The following FSTL4 variants were observed in gnomAD, a reference collection of about 807,000 sequenced individuals.
FSTL4 encodes follistatin-related protein 4.
In FSTL4, 28 loss-of-function variants were observed where a neutral mutation model predicts 78.2. The observed-to-expected ratio is 0.36, with a 90% CI of 0.27 to 0.49. FSTL4 has a LOEUF of 0.49. Ranked by LOEUF, FSTL4 falls within the 20% of genes least tolerant of loss-of-function variation. The pLI is 0.98. For synonymous variants in FSTL4, 422 were observed against 440.5 expected (o/e 0.96, Z 0.53); for missense variants, 922 against 1,084.9 (o/e 0.85, Z 2.11).
At chr5:133,249,840 G>T (rs551964210) in intron 6 of FSTL4, among the ~76,000 whole-genome samples, 14 of 152,236 alleles carry the variant, frequency 9.2e-5, no homozygotes, top group Non-Finnish European at 1.3e-4. Flanking sequence ...GACAATCTGG[G>T]CCATAGATTT....
intron 13 of FSTL4, among the ~76,000 whole-genome samples, chr5:133,210,546 G>A (rs1016541455): frequency 6.6e-6 from 1 of 151,884 alleles, no homozygotes. Context: ...AGGCTGGAGT[G>A]CAATGATGTG....
At chr5:133,507,677 C>T (rs1438212110) in intron 3 of FSTL4, among the ~76,000 whole-genome samples, 1 of 151,858 alleles carries the variant, frequency 6.6e-6, no homozygotes, top group Non-Finnish European at 1.5e-5. Flanking sequence ...CGCCCGACAC[C>T]ATGCCCGGCT....
chr5:133,381,226 G>C (rs945059831), intron 4 of FSTL4, among the ~76,000 whole-genome samples: 1 of 152,152 alleles, frequency 6.6e-6, no homozygotes, highest in Non-Finnish European at 1.5e-5. Context: ...GCACAGCTTG[G>C]AATATCTCCA....
rs1580812298 is a variant in FSTL4, at chr5:133,597,083, A to C, written c.126+6775T>G. On this transcript the variant is annotated intron_variant, in intron 2 of 15. Coordinates refer to ENST00000265342, the MANE Select transcript of FSTL4 (RefSeq NM_015082.2). ...GTTCTCGGTGTCGCCTGCTCAGAGCACTGGGCCCATATCCTCCCACATCCT... is the reference window on the plus strand; with the variant it reads ...GTTCTCGGTGTCGCCTGCTCAGAGCCCTGGGCCCATATCCTCCCACATCCT... Among the ~76,000 whole-genome samples, 4 of 143,486 alleles carry C rather than the reference A, an allele frequency of 2.8e-5. No individual in the cohort carries two copies. In the East Asian group the frequency reaches 8.4e-4, roughly 30 times the overall value. 94.1% of individuals were successfully genotyped at this position (143,486 alleles called of 152,430 possible).
intron 3 of FSTL4, among the ~76,000 whole-genome samples, chr5:133,542,424 T>C (rs1759495712): frequency 1.3e-5 from 2 of 152,208 alleles, no homozygotes; most frequent in Admixed American, 1.3e-4. Context: ...CAAACTGGCA[T>C]TTAAAAAAAC....
intron 6 of FSTL4, among the ~76,000 whole-genome samples, chr5:133,287,835 A>G (rs546226413): frequency 3.1e-4 from 47 of 152,282 alleles, no homozygotes; most frequent in Non-Finnish European, 5.4e-4. Flanking sequence ...ATCCTTCTGG[A>G]TGCCATTCAA....
At chr5:133,606,690 C>T (rs1760985298) in intron 1 of FSTL4, among the ~76,000 whole-genome samples, 1 of 152,198 alleles carries the variant, frequency 6.6e-6, no homozygotes, top group Non-Finnish European at 1.5e-5. Flanking sequence ...TTCCATGTCT[C>T]CTAGCTCACA....
the FSTL4 span, among the ~76,000 whole-genome samples, chr5:133,724,804 T>C: frequency 6.6e-6 from 1 of 152,330 alleles, no homozygotes; most frequent in East Asian, 1.9e-4. Flanking sequence ...CCGAAAGTCA[T>C]GACGATTTTT....
At chr5:133,841,229 G>A in the FSTL4 span, among the ~76,000 whole-genome samples, 6 of 152,126 alleles carry the variant, frequency 3.9e-5, no homozygotes, top group East Asian at 3.8e-4. Context: ...AACTGGCCTG[G>A]GAAAATCAGA....
In FSTL4 at chr5:133,316,589, C is replaced by G. The variant is rs17683306; in HGVS notation, c.473G>C (p.Arg158Pro). The change falls in exon 5 of 16, where the codon CGT becomes CCT. Residue 158 changes from arginine (R) to proline (P), a missense_variant. Coordinates refer to ENST00000265342, the MANE Select transcript of FSTL4 (RefSeq NM_015082.2). The stretch of plus-strand genomic sequence containing the variant: ...GTCTCCTTCTTGGAGTGGCTGCAGA[C>G]GGGTCTGGAGTGCCAGAAGGACATT... The part of the protein sequence containing the change: ...LKNVLLALQT[R>P]LQPLQEGDSR... 8.1e-6 allele frequency: 13 copies of G among 1,613,932 alleles called. No homozygotes were observed. The East Asian group carries it at 2.7e-4, about 33-fold the overall frequency.
Position 133,202,225 on chromosome 5 carries a change from A to C in FSTL4, c.1717-183T>G, listed in dbSNP as rs114311968. 5.3e-3 allele frequency among the ~76,000 whole-genome samples: 807 copies of C among 152,300 alleles called. 7 individuals are homozygous for C. The highest frequency in any genetic ancestry group is 0.018 in the African/African-American group (765 of 41,560). On this transcript the variant is annotated intron_variant, in intron 14 of 15. Coordinates refer to ENST00000265342, the MANE Select transcript of FSTL4 (RefSeq NM_015082.2). ...GGAGCAGTTCAGGCACATCCTAGGC[A>C]GGGACCCATTCTTCCTGAAAGAGGA...
upstream of FSTL4, among the ~76,000 whole-genome samples, chr5:133,613,355 T>C (rs755730581): frequency 2.0e-5 from 3 of 152,232 alleles, no homozygotes; most frequent in Non-Finnish European, 4.4e-5. Flanking sequence ...GGAGACTTTC[T>C]GAGGGCCTGC....
At chr5:133,672,329 G>T in the FSTL4 span, among the ~76,000 whole-genome samples, 89 of 152,316 alleles carry the variant, frequency 5.8e-4, no homozygotes, top group Non-Finnish European at 9.8e-4. Context: ...AGTGTGACTT[G>T]GAGCACAGCC....
chr5:133,619,849 GTAGTATA>G, the FSTL4 span, among the ~76,000 whole-genome samples: 1 of 152,156 alleles, frequency 6.6e-6, no homozygotes, highest in African/African-American at 2.4e-5. Flanking sequence ...CCATTTTGGT[GTAGTATA>G]TAACAAATAA....
the FSTL4 span, among the ~76,000 whole-genome samples, chr5:133,830,512 C>A: frequency 1.3e-5 from 2 of 152,204 alleles, no homozygotes; most frequent in Non-Finnish European, 2.9e-5. Flanking sequence ...TGCCCAGCCT[C>A]CCAGAGCCAG....
intron 3 of FSTL4, among the ~76,000 whole-genome samples, chr5:133,486,490 A>G (rs1320616452): frequency 6.6e-6 from 1 of 152,100 alleles, no homozygotes; most frequent in African/African-American, 2.4e-5. Context: ...TCTGTCCTTC[A>G]TTTTCTTTAA....
At chr5:133,607,415 T>C (rs1288672991) in intron 1 of FSTL4, among the ~76,000 whole-genome samples, 1 of 152,186 alleles carries the variant, frequency 6.6e-6, no homozygotes, top group East Asian at 1.9e-4. Flanking sequence ...TCTAAGCACT[T>C]CACAGGTATT....
chr5:133,253,537 C>T (rs1752312142), intron 6 of FSTL4, among the ~76,000 whole-genome samples: 1 of 152,218 alleles, frequency 6.6e-6, no homozygotes, highest in Admixed American at 6.5e-5. Flanking sequence ...GTGTCATCTG[C>T]CCCTGTTCTT....
rs766435471 is a variant in FSTL4 at position 133,225,263 on chromosome 5, A to G, written c.1199T>C (p.Ile400Thr). Residue 400 changes from isoleucine to threonine, a missense_variant, in exon 10 of 16, where the codon ATC becomes ACC. Coordinates refer to ENST00000265342, the MANE Select transcript of FSTL4 (RefSeq NM_015082.2). This position sits in a 1 kb window ranked among gnomAD's most constrained non-coding sequence, Gnocchi z 4.6. ...TGTGTCTTCATACCGAACACTGCTG[A>G]TGTGGAGTTCGCTCCCATTGGCTGC... Reference protein sequence around the residue: ...SLLANGSELHISSVRYEDTGA... With the variant: ...SLLANGSELHTSSVRYEDTGA... 1 of 1,614,150 alleles carries G rather than the reference A, an allele frequency of 6.2e-7. No individual in the cohort carries two copies. Among genetic ancestry groups the G allele is most frequent in the South Asian group, 1.1e-5 (1 of 91,086 alleles).
Sources: allele counts gnomAD v4.1 joint callset (sites outside exome capture counted in the v4.1 genomes callset), GRCh38; gene constraint gnomAD v4.1.1; non-coding constraint Gnocchi (gnomAD v3.1); transcripts MANE v1.5; gene names NCBI Gene and HGNC (gene_info 2026-07-23, HGNC 2026-07-21).